The following NBEA variants were observed in gnomAD, a reference collection of about 807,000 sequenced individuals.
NBEA encodes neurobeachin.
Under a neutral mutation model 343.4 loss-of-function variants are expected in NBEA, and 44 were observed. The observed-to-expected ratio is 0.13, with a 90% confidence interval of 0.10 to 0.16. The LOEUF (loss-of-function observed/expected upper bound fraction) is 0.16, where lower values mean the gene tolerates loss of function less well. Ranked by LOEUF, NBEA falls within the 10% of genes least tolerant of loss-of-function variation. NBEA has a pLI of 1.00. For missense variants in NBEA, 2,555 were observed against 3,631.3 expected, an observed-to-expected ratio of 0.70 and a Z score of 7.62; for synonymous variants, 1,175 against 1,238.7, an observed-to-expected ratio of 0.95 and a Z score of 1.08.
intron 30 of NBEA, among the ~76,000 whole-genome samples, chr13:35,194,659 G>A (rs1402814273): frequency 1.3e-5 from 2 of 151,992 alleles, no homozygotes; most frequent in Non-Finnish European, 2.9e-5. Flanking sequence ...AAACGATTAA[G>A]TTAAGGACTG....
intron 18 of NBEA, among the ~76,000 whole-genome samples, chr13:35,144,588 C>A (rs2068300025): frequency 6.6e-6 from 1 of 152,174 alleles, no homozygotes. Flanking sequence ...TGTTCTCCTG[C>A]AACCACCCTT....
chr13:35,117,533 G>T (rs113979969), intron 14 of NBEA, 40 bp downstream of exon 14: 2 of 983,736 alleles, frequency 2.0e-6, no homozygotes, highest in Non-Finnish European at 2.7e-6. Flanking sequence ...TAGTATATTA[G>T]GTAGAAAGGA....
intron 36 of NBEA, among the ~76,000 whole-genome samples, chr13:35,333,181 A>G (rs1357282061): frequency 6.6e-6 from 1 of 152,150 alleles, no homozygotes; most frequent in African/African-American, 2.4e-5. Flanking sequence ...CAAGGGGGAA[A>G]AAAGATTTTA....
chr13:35,182,266 C>T (rs1264938268), intron 28 of NBEA, 94 bp from the exon 29 acceptor site: 4 of 1,002,864 alleles, frequency 4.0e-6, no homozygotes, highest in African/African-American at 3.4e-5. Context: ...CATATTTTGC[C>T]TCCATAAAGA....
At chr13:35,296,686 T>G (rs2036154701) in intron 35 of NBEA, among the ~76,000 whole-genome samples, 1 of 152,014 alleles carries the variant, frequency 6.6e-6, no homozygotes, top group African/African-American at 2.4e-5. Context: ...TTTTCCTGTG[T>G]CTACATTGTA....
intron 54 of NBEA, 137 bp downstream of exon 54, chr13:35,655,147 A>G: frequency 3.0e-6 from 2 of 655,832 alleles, no homozygotes; most frequent in South Asian, 3.5e-5. Context: ...TTAAATGTTC[A>G]CATTGTAAGC....
chr13:35,016,595 C>T (rs961785173), intron 1 of NBEA, among the ~76,000 whole-genome samples: 1 of 100,164 alleles, frequency 1.0e-5, no homozygotes, highest in Middle Eastern at 4.7e-3. Flanking sequence ...TGTATACACA[C>T]ACACACACAC....
intron 40 of NBEA, among the ~76,000 whole-genome samples, chr13:35,457,694 T>C (rs1594703133): frequency 6.6e-6 from 1 of 152,240 alleles, no homozygotes; most frequent in East Asian, 1.9e-4. Context: ...CTGCAAGCTC[T>C]GCCTCCCGGG....
At chr13:35,383,175 C>T (rs927171049) in intron 38 of NBEA, among the ~76,000 whole-genome samples, 1 of 152,116 alleles carries the variant, frequency 6.6e-6, no homozygotes, top group African/African-American at 2.4e-5. Context: ...ATCATCAAAA[C>T]TGCCCATCTA....
chr13:35,374,175 T>C (rs1358757017), intron 38 of NBEA, among the ~76,000 whole-genome samples: 2 of 150,650 alleles, frequency 1.3e-5, no homozygotes. Context: ...TGCCATTAGT[T>C]GGGGTTATTA....
Position 35,109,414 on chromosome 13 carries a change from C to T in NBEA, c.1805C>T (p.Pro602Leu), listed in dbSNP as rs2066074281. The change falls in exon 12 of 59, where the codon CCA (proline) becomes CTA (leucine). Residue 602 changes from proline to leucine, a missense_variant. By Grantham distance (98) the Pro-to-Leu change is moderately conservative (BLOSUM62 -3). Coordinates refer to ENST00000379939, the MANE Select transcript of NBEA (RefSeq NM_001385012.1). ...CTTTGTGATCACATTTTATTTAACC[C>T]AGCCATCTGGATACATACACCTGCA... is the stretch of plus-strand genomic sequence containing the variant. ...KQLCDHILFN[P>L]AIWIHTPAKV... The T allele has an allele frequency of 1.9e-6, 3 of 1,611,236 alleles. No homozygotes were observed. Among genetic ancestry groups the T allele is most frequent in the Non-Finnish European group, 1.7e-6 (2 of 1,178,608 alleles).
chr13:35,375,352 C>T (rs1213184797), intron 38 of NBEA, among the ~76,000 whole-genome samples: 2 of 152,080 alleles, frequency 1.3e-5, no homozygotes, highest in South Asian at 2.1e-4. Flanking sequence ...ACATCATATT[C>T]GTGTGCTCCA....
chr13:35,399,766 A>G (rs768916246), intron 38 of NBEA, among the ~76,000 whole-genome samples: 69 of 152,166 alleles, frequency 4.5e-4, no homozygotes, highest in Non-Finnish European at 1.0e-4. Flanking sequence ...CTTCCTCACT[A>G]AGCTTAATCA....
chr13:35,573,053 C>G (rs560450396), intron 45 of NBEA, among the ~76,000 whole-genome samples: 2 of 152,148 alleles, frequency 1.3e-5, no homozygotes, highest in African/African-American at 4.8e-5. Context: ...CCAAATAACC[C>G]TGCTGCCAAA....
rs531039629 is a variant in NBEA, at chr13:35,609,062, C to T, written c.7449+2484C>T. 5.3e-5 allele frequency among the ~76,000 whole-genome samples: 8 copies of T among 152,184 alleles called. No individual in the cohort carries two copies. In the South Asian group the frequency reaches 1.5e-3, roughly 28 times the overall value. On this transcript the variant is annotated intron_variant, in intron 48 of 58. Transcript: ENST00000379939. Reference sequence around the variant, plus strand: ...AGACCTTATTTATTTCCTTTAACTTCGTGGACATGGTTAATGCAGATCATT... The same window carrying T: ...AGACCTTATTTATTTCCTTTAACTTTGTGGACATGGTTAATGCAGATCATT...
chr13:34,985,732 C>T (rs1041498289), intron 1 of NBEA, among the ~76,000 whole-genome samples: 4 of 150,532 alleles, frequency 2.7e-5, no homozygotes, highest in Admixed American at 1.3e-4. Context: ...TTATTGGTCC[C>T]TTCAGAGATT....
chr13:35,068,746 G>A (rs1387311110), intron 8 of NBEA, among the ~76,000 whole-genome samples: 6 of 152,152 alleles, frequency 3.9e-5, no homozygotes, highest in African/African-American at 1.4e-4. Context: ...TCTGCACAGT[G>A]TTAAAATGTT....
intron 41 of NBEA, among the ~76,000 whole-genome samples, chr13:35,543,447 C>G (rs950803240): frequency 1.3e-5 from 2 of 152,162 alleles, no homozygotes; most frequent in African/African-American, 4.8e-5. Flanking sequence ...TTTTAATTAT[C>G]TCTCAATTGA....
intron 48 of NBEA, among the ~76,000 whole-genome samples, chr13:35,621,067 G>T (rs1308852860): frequency 1.3e-5 from 2 of 152,142 alleles, no homozygotes; most frequent in African/African-American, 2.4e-5. Context: ...TTTATCCTCC[G>T]CTAGACTGTA....
Sources: gnomAD v4.1 joint callset for allele counts (sites outside exome capture counted in the v4.1 genomes callset) on GRCh38, gnomAD v4.1.1 for gene constraint, MANE v1.5 for transcripts, NCBI Gene and HGNC (gene_info 2026-07-23, HGNC 2026-07-21) for gene names.